The following LAMC1 variants were observed in gnomAD, a reference collection of about 807,000 sequenced individuals.
LAMC1 encodes the protein laminin subunit gamma-1.
LAMC1 carries 38 observed loss-of-function variants against 173.6 expected under a neutral mutation model. That is an observed-to-expected ratio of 0.22 (90% CI 0.17 to 0.29). The LOEUF (loss-of-function observed/expected upper bound fraction) is 0.29, where lower values mean the gene tolerates loss of function less well. Ranked by LOEUF, LAMC1 falls within the 10% of genes least tolerant of loss-of-function variation. The pLI is 1.00. For synonymous variants in LAMC1, 746 were observed against 749.1 expected (o/e 1.00, Z 0.07); for missense variants, 1,824 against 2,051.8 (o/e 0.89, Z 2.14).
intron 1 of LAMC1, among the ~76,000 whole-genome samples, chr1:183,097,451 G>A (rs1200791791): frequency 6.6e-6 from 1 of 152,152 alleles, no homozygotes; most frequent in African/African-American, 2.4e-5. Context: ...TTCAAGCTGT[G>A]GAAGGGCATT....
chr1:183,105,087 G>A (rs1471301254), intron 2 of LAMC1, among the ~76,000 whole-genome samples: 2 of 151,088 alleles, frequency 1.3e-5, no homozygotes, highest in South Asian at 2.1e-4. Flanking sequence ...AAGCATGGTG[G>A]CAGGTGCCTG....
At chr1:183,116,217 G>A (rs750461607) in intron 6 of LAMC1, among the ~76,000 whole-genome samples, 4 of 151,848 alleles carry the variant, frequency 2.6e-5, no homozygotes, top group Admixed American at 6.6e-5. Flanking sequence ...TGTGGCTCAC[G>A]CCTGTAATCC....
intron 4 of LAMC1, among the ~76,000 whole-genome samples, chr1:183,111,501 C>T (rs1656152562): frequency 6.6e-6 from 1 of 151,698 alleles, no homozygotes; most frequent in South Asian, 2.1e-4. Flanking sequence ...AAGAATAGGT[C>T]CTAGTATTCC....
Position 183,070,479 on chromosome 1 carries a change from G to A in LAMC1, c.419-32849G>A, listed in dbSNP as rs544342647. On this transcript the variant is annotated intron_variant, in intron 1 of 27. Transcript: ENST00000258341. ...CTGGGATACTTCCAGTTTTGTGGGT[G>A]ATGGTAATGTCTGTGTGTTCTTCCT... Among the ~76,000 whole-genome samples, 3 of 152,270 alleles carry A rather than the reference G, an allele frequency of 2.0e-5. No individual in the cohort carries two copies. In the South Asian group the frequency reaches 6.2e-4, roughly 32 times the overall value.
At position 183,023,839 on chromosome 1, in the gene LAMC1, G is replaced by T. The variant is rs746238035; in HGVS notation, c.123G>T (p.Thr41=). ...CCCAGGCAGCCATGGACGAGTGCAC[G>T]GACGAGGGCGGGCGGCCGCAGCGCT... ...GCAQAAMDEC[T]DEGGRPQRCM... is the part of the protein sequence containing the mutation. Residue 41 remains threonine, a synonymous_variant, in exon 1 of 28, where the codon ACG becomes ACT. Coordinates refer to ENST00000258341, the MANE Select transcript of LAMC1 (RefSeq NM_002293.4). The T allele has an allele frequency of 2.4e-5, 38 of 1,601,928 alleles. No individual in the cohort carries two copies. The highest frequency in any genetic ancestry group is 3.0e-5 in the Non-Finnish European group (35 of 1,173,740).
chr1:183,116,131 A>AC (rs1656314355), intron 6 of LAMC1, among the ~76,000 whole-genome samples: 1 of 149,282 alleles, frequency 6.7e-6, no homozygotes, highest in African/African-American at 2.5e-5. Context: ...CTCTGTCTCA[A>AC]AAAAAAAAAA....
At chr1:183,054,420 C>T (rs1415806847) in intron 1 of LAMC1, among the ~76,000 whole-genome samples, 3 of 152,156 alleles carry the variant, frequency 2.0e-5, no homozygotes, top group Non-Finnish European at 4.4e-5. Flanking sequence ...TTCTATACAA[C>T]GTGGCTGTAA....
chr1:183,134,595 A>G (rs922072648), intron 22 of LAMC1, 65 bp from the exon 23 acceptor site: 1 of 1,339,362 alleles, frequency 7.5e-7, no homozygotes, highest in African/African-American at 1.5e-5. Flanking sequence ...AGAGTTCCTA[A>G]GCCTACCTTT....
At chr1:183,050,017 T>G (rs1245966756) in intron 1 of LAMC1, among the ~76,000 whole-genome samples, 1 of 152,168 alleles carries the variant, frequency 6.6e-6, no homozygotes, top group Non-Finnish European at 1.5e-5. Flanking sequence ...CTTAGAATCT[T>G]ATGTGCTAAA....
chr1:183,053,183 T>G (rs1349460565), intron 1 of LAMC1, among the ~76,000 whole-genome samples: 1 of 152,198 alleles, frequency 6.6e-6, no homozygotes, highest in Non-Finnish European at 1.5e-5. Flanking sequence ...ACTTGAAAAG[T>G]TTGCTGAAAA....
intron 1 of LAMC1, among the ~76,000 whole-genome samples, chr1:183,081,311 T>C (rs1302467805): frequency 2.6e-5 from 4 of 152,070 alleles, no homozygotes; most frequent in Non-Finnish European, 5.9e-5. Context: ...AATGAATAAC[T>C]TTATGGCCAG....
intron 21 of LAMC1, 98 bp downstream of exon 21, chr1:183,132,635 A>G: frequency 4.6e-6 from 4 of 869,254 alleles, no homozygotes; most frequent in Non-Finnish European, 7.2e-6. Context: ...CAGGGCATAC[A>G]TTCATGCAGT....
At chr1:183,043,389 A>G (rs752143970) in intron 1 of LAMC1, among the ~76,000 whole-genome samples, 1 of 152,204 alleles carries the variant, frequency 6.6e-6, no homozygotes, top group Non-Finnish European at 1.5e-5. Context: ...AGAATCACAG[A>G]TGAAGGATTA....
At position 183,130,432 on chromosome 1, in the gene LAMC1, C is replaced by T. The variant is rs139541093; in HGVS notation, c.3369C>T (p.Thr1123=). 2 of 1,613,954 alleles carry T rather than the reference C, an allele frequency of 1.2e-6. No homozygotes were observed. Among genetic ancestry groups the T allele is most frequent in the African/African-American group, 2.7e-5 (2 of 74,908 alleles). Residue 1123 remains threonine, a synonymous_variant, in exon 19 of 28, where the codon ACC becomes ACT. Coordinates refer to ENST00000258341, the MANE Select transcript of LAMC1 (RefSeq NM_002293.4). ...GCCGTTTACAGAATATCCGGAATAC[C>T]ATTGAAGAGACTGGAAACTTGGCTG... ...QISRLQNIRN[T]IEETGNLAEQ...
intron 18 of LAMC1, 28 bp downstream of exon 18, chr1:183,128,778 T>A (rs1656697168): frequency 1.3e-6 from 2 of 1,540,116 alleles, no homozygotes; most frequent in Non-Finnish European, 1.8e-6. Flanking sequence ...GTGCATGACT[T>A]CTGTGAGATG....
chr1:183,054,559 A>G (rs1173949957), intron 1 of LAMC1, among the ~76,000 whole-genome samples: 1 of 152,230 alleles, frequency 6.6e-6, no homozygotes, highest in African/African-American at 2.4e-5. Context: ...ATTGAGAAGA[A>G]AGCAGGGGTA....
chr1:183,111,940 G>A (rs932691667), intron 4 of LAMC1, among the ~76,000 whole-genome samples: 2 of 152,210 alleles, frequency 1.3e-5, no homozygotes, highest in Non-Finnish European at 2.9e-5. Flanking sequence ...TTGGGAAGCT[G>A]AGGCAGGAGA....
intron 1 of LAMC1, among the ~76,000 whole-genome samples, chr1:183,059,664 C>T (rs1288951333): frequency 2.0e-5 from 3 of 152,112 alleles, no homozygotes; most frequent in Non-Finnish European, 2.9e-5. Flanking sequence ...CCACTCAGGA[C>T]ATTGAACTGG....
At chr1:183,038,610 A>T (rs1654044962) in intron 1 of LAMC1, among the ~76,000 whole-genome samples, 1 of 152,246 alleles carries the variant, frequency 6.6e-6, no homozygotes, top group Admixed American at 6.5e-5. Context: ...TAGTGACAGC[A>T]TGATGAAATG....
Sources: allele counts gnomAD v4.1 joint callset (sites outside exome capture counted in the v4.1 genomes callset), GRCh38; gene constraint gnomAD v4.1.1; transcripts MANE v1.5; gene names NCBI Gene and HGNC (gene_info 2026-07-23, HGNC 2026-07-21).